Variants in NALF1 observed in about 807,000 individuals in gnomAD.
The protein encoded by NALF1 is family with sequence similarity 155 member A.
Under a neutral mutation model 48.4 loss-of-function variants are expected in NALF1, and 3 were observed. The observed-to-expected ratio is 0.06, with a 90% confidence interval of 0.03 to 0.16. The LOEUF is 0.16. Among genes scored for constraint, NALF1 ranks in the 10% least tolerant of loss-of-function variants. The pLI, the probability that NALF1 is intolerant of heterozygous loss-of-function variation, is 1.00. For synonymous variants in NALF1, 262 were observed against 245.7 expected (o/e 1.07, Z -0.62); for missense variants, 526 against 571.5 (o/e 0.92, Z 0.81).
At chr13:107,703,317 G>T in intron 1 of NALF1, among the ~76,000 whole-genome samples, 1 of 146,778 alleles carries the variant, frequency 6.8e-6, no homozygotes, top group African/African-American at 2.5e-5. Flanking sequence ...AACAAATTTT[G>T]TTTTCCTTAG....
At chr13:107,231,524 T>C (rs1292738657) in intron 1 of NALF1, among the ~76,000 whole-genome samples, 1 of 152,122 alleles carries the variant, frequency 6.6e-6, no homozygotes, top group Non-Finnish European at 1.5e-5. Flanking sequence ...CATGGAAGAG[T>C]TTCACACAAC....
chr13:107,446,935 C>T (rs951916936), intron 1 of NALF1, among the ~76,000 whole-genome samples: 5 of 152,338 alleles, frequency 3.3e-5, no homozygotes, highest in African/African-American at 1.2e-4. Context: ...CTCCATGAGA[C>T]TAAAAACAGT....
At chr13:107,578,379 T>C (rs1003256235) in intron 1 of NALF1, among the ~76,000 whole-genome samples, 7 of 152,236 alleles carry the variant, frequency 4.6e-5, no homozygotes, top group Non-Finnish European at 1.0e-4. Flanking sequence ...TTGATGTGTG[T>C]CAAATTTCAA....
At chr13:107,232,988 T>C (rs547587448) in intron 1 of NALF1, among the ~76,000 whole-genome samples, 2 of 152,286 alleles carry the variant, frequency 1.3e-5, no homozygotes, top group East Asian at 3.9e-4. Flanking sequence ...CAGTTGCTAG[T>C]TGCAAGATTG....
intron 1 of NALF1, among the ~76,000 whole-genome samples, chr13:107,318,747 C>A (rs1253931847): frequency 6.6e-6 from 1 of 151,948 alleles, no homozygotes; most frequent in Admixed American, 6.6e-5. Context: ...AGACTATGCA[C>A]AAGAATGTTC....
chr13:107,642,403 A>G (rs1241242065), intron 1 of NALF1, among the ~76,000 whole-genome samples: 1 of 152,202 alleles, frequency 6.6e-6, no homozygotes, highest in Non-Finnish European at 1.5e-5. Context: ...GCACTATATA[A>G]GGCATTATAG....
intron 1 of NALF1, among the ~76,000 whole-genome samples, chr13:107,456,716 G>T (rs925221854): frequency 5.9e-5 from 9 of 152,068 alleles, no homozygotes; most frequent in Non-Finnish European, 1.2e-4. Flanking sequence ...ACACTTCCTA[G>T]ACTTCAATGC....
chr13:107,634,102 T>C (rs1363493740), intron 1 of NALF1, among the ~76,000 whole-genome samples: 1 of 152,040 alleles, frequency 6.6e-6, no homozygotes, highest in Non-Finnish European at 1.5e-5. Flanking sequence ...TTGTGTAGAA[T>C]TACCAGGCTG....
intron 1 of NALF1, among the ~76,000 whole-genome samples, chr13:107,750,064 C>A (rs1876891631): frequency 1.3e-5 from 2 of 152,208 alleles, no homozygotes; most frequent in South Asian, 2.1e-4. Flanking sequence ...ATGATCCACC[C>A]GCCTCAGCCT....
At chr13:107,268,279 CACCCAGCCTATTTCT>C (rs1391759485) in intron 1 of NALF1, among the ~76,000 whole-genome samples, 5 of 152,066 alleles carry the variant, frequency 3.3e-5, no homozygotes, top group African/African-American at 1.2e-4. Flanking sequence ...TGAGCCACCG[CACCCAGCCTATTTCT>C]GGAATTTTCG....
intron 1 of NALF1, among the ~76,000 whole-genome samples, chr13:107,689,294 T>G (rs1245400906): frequency 2.6e-5 from 4 of 152,212 alleles, no homozygotes; most frequent in Non-Finnish European, 5.9e-5. Flanking sequence ...CTCGTCTCTT[T>G]TCTCTTTTCC....
At chr13:107,683,607 C>T (rs775250125) in intron 1 of NALF1, among the ~76,000 whole-genome samples, 3 of 152,204 alleles carry the variant, frequency 2.0e-5, no homozygotes, top group Non-Finnish European at 2.9e-5. Context: ...TCACTCCCTA[C>T]GCTTTGCTCC....
chr13:107,648,170 A>G (rs1880359576), intron 1 of NALF1, among the ~76,000 whole-genome samples: 1 of 152,156 alleles, frequency 6.6e-6, no homozygotes, highest in African/African-American at 2.4e-5. Context: ...CGATGAATCA[A>G]TATTGACAGA....
chr13:107,765,084 C>A (rs1470964508), intron 1 of NALF1, among the ~76,000 whole-genome samples: 1 of 152,136 alleles, frequency 6.6e-6, no homozygotes, highest in East Asian at 1.9e-4. Context: ...ATATTTGTCA[C>A]TTCTCTGAAT....
chr13:107,341,752 C>A (rs575377867), intron 1 of NALF1, among the ~76,000 whole-genome samples: 2 of 150,302 alleles, frequency 1.3e-5, no homozygotes, highest in East Asian at 3.9e-4. Context: ...ATATATTAAC[C>A]ATCTATAATG....
At chr13:107,588,697 C>T (rs1372411533) in intron 1 of NALF1, among the ~76,000 whole-genome samples, 1 of 152,006 alleles carries the variant, frequency 6.6e-6, no homozygotes, top group Non-Finnish European at 1.5e-5. Context: ...TTTGACTGTG[C>T]AGAAAAATAT....
chr13:107,843,638 C>T (rs903236450), intron 1 of NALF1, among the ~76,000 whole-genome samples: 1 of 152,014 alleles, frequency 6.6e-6, no homozygotes, highest in Non-Finnish European at 1.5e-5. Context: ...CTAATCACTC[C>T]AATTTCTTAT....
At chr13:107,412,184 C>G (rs1407374992) in intron 1 of NALF1, among the ~76,000 whole-genome samples, 1 of 152,066 alleles carries the variant, frequency 6.6e-6, no homozygotes, top group African/African-American at 2.4e-5. Context: ...CCACGTGAAC[C>G]TCATTTCTCT....
chr13:107,512,165 C>T (rs563406651), intron 1 of NALF1, among the ~76,000 whole-genome samples: 2 of 152,256 alleles, frequency 1.3e-5, no homozygotes, highest in East Asian at 1.9e-4. Flanking sequence ...GAGGCCAAGG[C>T]GGGTGGATCA....
Sources: allele counts gnomAD v4.1 joint callset (sites outside exome capture counted in the v4.1 genomes callset), GRCh38; gene constraint gnomAD v4.1.1; transcripts MANE v1.5; gene names NCBI Gene and HGNC (gene_info 2026-07-23, HGNC 2026-07-21).